The following PCDHA1 variants were observed in gnomAD, a reference collection of about 807,000 sequenced individuals.
PCDHA1 encodes the protein protocadherin alpha-1.
PCDHA1 carries 42 observed loss-of-function variants against 61.3 expected under a neutral mutation model. That is an observed-to-expected ratio of 0.69 (90% CI 0.54 to 0.89). PCDHA1 has a LOEUF of 0.89. Ranked by LOEUF, PCDHA1 falls within the 40% of genes least tolerant of loss-of-function variation. PCDHA1 has a pLI of 0.00. For synonymous variants in PCDHA1, 610 were observed against 553.8 expected (o/e 1.10, Z -1.43); for missense variants, 1,256 against 1,235.3 (o/e 1.02, Z -0.25).
chr5:140,842,052 A>T (rs1777672472), intron 1 of PCDHA1: 1 of 1,613,748 alleles, frequency 6.2e-7, no homozygotes, highest in African/African-American at 1.3e-5. Context: ...ACTTTCGAAC[A>T]GTCTGAATAC....
chr5:140,801,287 G>T, intron 1 of PCDHA1: 1 of 1,613,556 alleles, frequency 6.2e-7, no homozygotes, highest in African/African-American at 1.3e-5. Context: ...GGAGCGGCCA[G>T]CTCCACTACT....
intron 1 of PCDHA1, chr5:140,828,846 T>C (rs1554131594): frequency 2.5e-6 from 4 of 1,614,040 alleles, no homozygotes. Context: ...GTAAGAATAT[T>C]CGAAAATGCA....
chr5:140,834,291 G>A, intron 1 of PCDHA1: 1 of 1,201,540 alleles, frequency 8.3e-7, no homozygotes, highest in Non-Finnish European at 1.2e-6. Context: ...CACAACAATG[G>A]CCACACATCG....
chr5:140,801,773 T>G (rs918416197), intron 1 of PCDHA1: 16 of 1,614,054 alleles, frequency 9.9e-6, no homozygotes, highest in Non-Finnish European at 1.4e-5. Context: ...TTAAATCCCT[T>G]GGACTCGTGT....
At chr5:140,807,793 A>C in intron 1 of PCDHA1, 1 of 1,614,146 alleles carries the variant, frequency 6.2e-7, no homozygotes, top group Non-Finnish European at 8.5e-7. Flanking sequence ...CTTTAGACAG[A>C]GAAGAAGCTC....
intron 1 of PCDHA1, among the ~76,000 whole-genome samples, chr5:140,975,318 C>T (rs1554236746): frequency 6.6e-6 from 1 of 152,198 alleles, no homozygotes; most frequent in Admixed American, 6.5e-5. Flanking sequence ...TTATGTCAGT[C>T]CCATCCAGAT....
chr5:140,898,674 C>G (rs1174441906), intron 1 of PCDHA1, among the ~76,000 whole-genome samples: 1 of 152,160 alleles, frequency 6.6e-6, no homozygotes, highest in Non-Finnish European at 1.5e-5. Context: ...GTGTTGCGGG[C>G]TGTTTTTTGG....
chr5:140,892,477 A>G (rs2063535340), intron 1 of PCDHA1, among the ~76,000 whole-genome samples: 1 of 152,220 alleles, frequency 6.6e-6, no homozygotes, highest in South Asian at 2.1e-4. Context: ...TCAGTTTCCT[A>G]GCCAAACATG....
intron 1 of PCDHA1, among the ~76,000 whole-genome samples, chr5:140,960,579 C>G (rs2095556928): frequency 6.6e-6 from 1 of 152,052 alleles, no homozygotes; most frequent in South Asian, 2.1e-4. Context: ...AGTTGGAAAA[C>G]AGTTCAAATT....
chr5:140,870,052 A>C (rs782520778), intron 1 of PCDHA1: 1 of 1,613,830 alleles, frequency 6.2e-7, no homozygotes, highest in Non-Finnish European at 8.5e-7. Flanking sequence ...GTTTTATAAA[A>C]TTGAAGTACA....
At chr5:140,796,253 G>C (rs1178356320) in intron 1 of PCDHA1, 4 of 1,614,040 alleles carry the variant, frequency 2.5e-6, no homozygotes, top group East Asian at 2.2e-5. Context: ...GCACGGGACG[G>C]GGGCTCGCCT....
chr5:140,856,803 A>G, intron 1 of PCDHA1: 4 of 1,595,568 alleles, frequency 2.5e-6, no homozygotes, highest in Non-Finnish European at 3.4e-6. Flanking sequence ...AAGATGTATG[A>G]AAATCAAGTG....
intron 1 of PCDHA1, chr5:140,870,564 G>T (rs782511789): frequency 1.2e-6 from 2 of 1,613,884 alleles, no homozygotes; most frequent in Non-Finnish European, 1.7e-6. Context: ...AGGAGAACGC[G>T]CTGGTGTCCT....
At chr5:140,800,958 A>C in intron 1 of PCDHA1, 1 of 1,169,802 alleles carries the variant, frequency 8.5e-7, no homozygotes. Flanking sequence ...ACATACAAGG[A>C]AAAGAAGATA....
chr5:140,801,720 A>G, intron 1 of PCDHA1: 2 of 1,614,086 alleles, frequency 1.2e-6, no homozygotes, highest in South Asian at 1.1e-5. Context: ...TCTTGATTCC[A>G]CTGAATATTT....
At chr5:140,864,170 G>A (rs1301709115) in intron 1 of PCDHA1, 1 of 152,166 alleles carries the variant, frequency 6.6e-6, no homozygotes, top group Non-Finnish European at 1.5e-5. Context: ...TTACCGGAAG[G>A]ATCATGATGA....
intron 1 of PCDHA1, chr5:140,857,362 C>A: frequency 1.3e-6 from 2 of 1,598,452 alleles, no homozygotes. Flanking sequence ...GGGCCACGGC[C>A]AGCGTGTCTG....
chr5:140,939,246 C>A (rs536477969), intron 1 of PCDHA1, among the ~76,000 whole-genome samples: 1 of 152,112 alleles, frequency 6.6e-6, no homozygotes, highest in South Asian at 2.1e-4. Context: ...AGCAAGGTAG[C>A]TCTCTGGAAC....
At chr5:140,893,763 TG>T (rs1554185760) in intron 1 of PCDHA1, among the ~76,000 whole-genome samples, 1 of 152,156 alleles carries the variant, frequency 6.6e-6, no homozygotes, top group African/African-American at 2.4e-5. Flanking sequence ...ATAGGTGACT[TG>T]TCACTTTTCT....
Sources: gnomAD v4.1 joint callset for allele counts (sites outside exome capture counted in the v4.1 genomes callset) on GRCh38, gnomAD v4.1.1 for gene constraint, MANE v1.5 for transcripts, NCBI Gene and HGNC (gene_info 2026-07-23, HGNC 2026-07-21) for gene names.